Variants in GNAL observed in about 807,000 individuals in gnomAD.
The protein encoded by GNAL is guanine nucleotide-binding protein G(olf) subunit alpha.
GNAL carries 18 observed loss-of-function variants against 55.1 expected under a neutral mutation model. The ratio of observed to expected loss-of-function variants is 0.33; its 90% CI spans 0.23 to 0.48. The LOEUF is 0.48. Ranked by LOEUF, GNAL falls within the 20% of genes least tolerant of loss-of-function variation. The pLI is 0.99. For missense variants in GNAL, 412 were observed against 614.1 expected (o/e 0.67, Z 3.48); for synonymous variants, 253 against 237.0 (o/e 1.07, Z -0.62).
At chr18:11,834,443 G>C (rs1306544055) in intron 5 of GNAL, among the ~76,000 whole-genome samples, 2 of 152,126 alleles carry the variant, frequency 1.3e-5, no homozygotes, top group Non-Finnish European at 2.9e-5. Context: ...CTTCTGGCTG[G>C]GCACAGTGGC....
At chr18:11,737,859 C>T (rs985363402) in intron 1 of GNAL, among the ~76,000 whole-genome samples, 11 of 152,240 alleles carry the variant, frequency 7.2e-5, no homozygotes, top group Admixed American at 2.0e-4. Flanking sequence ...AGCATTCAGC[C>T]TGACATGGGG....
chr18:11,764,607 G>A (rs1055867694), intron 4 of GNAL, among the ~76,000 whole-genome samples: 2 of 152,204 alleles, frequency 1.3e-5, no homozygotes, highest in African/African-American at 4.8e-5. Flanking sequence ...AGGAGTTTGA[G>A]AGACAAGCCT....
chr18:11,702,339 C>T (rs554271543), intron 1 of GNAL: 9 of 152,402 alleles, frequency 5.9e-5, no homozygotes, highest in East Asian at 1.9e-4. Flanking sequence ...ATCCCAGAGC[C>T]GGCCTCCTTC....
intron 4 of GNAL, among the ~76,000 whole-genome samples, chr18:11,767,500 C>T (rs2033447787): frequency 6.6e-6 from 1 of 151,398 alleles, no homozygotes. Context: ...TGCATGCCTG[C>T]ACTGTGTGCA....
intron 4 of GNAL, 118 bp from the exon 5 acceptor site, chr18:11,824,800 C>A: frequency 3.3e-6 from 2 of 604,894 alleles, no homozygotes; most frequent in South Asian, 4.1e-5. Flanking sequence ...CAGACTTCCA[C>A]AAAGAAAATC....
At chr18:11,779,986 A>G (rs1301708466) in intron 4 of GNAL, among the ~76,000 whole-genome samples, 1 of 152,248 alleles carries the variant, frequency 6.6e-6, no homozygotes, top group Non-Finnish European at 1.5e-5. Context: ...GATGTCTGTC[A>G]TCATTTGCTG....
intron 1 of GNAL, among the ~76,000 whole-genome samples, chr18:11,732,892 A>G (rs1395615296): frequency 6.6e-6 from 1 of 152,274 alleles, no homozygotes; most frequent in Non-Finnish European, 1.5e-5. Flanking sequence ...AGAGGGAAAC[A>G]GCAAAAATAG....
rs1019948850 is a variant in GNAL, at chr18:11,848,131, C to T, written c.723-14264C>T. ...GCCCAGCACCAAGGAGACAGCTGGGCATATGGGTTTGGAGCTCAGAAGCAA... is the reference window on the plus strand; with the variant it reads ...GCCCAGCACCAAGGAGACAGCTGGGTATATGGGTTTGGAGCTCAGAAGCAA... On this transcript the variant is annotated intron_variant, in intron 5 of 11. Coordinates refer to ENST00000334049, the MANE Select transcript of GNAL (RefSeq NM_182978.4). Among the ~76,000 whole-genome samples the T allele has an allele frequency of 3.3e-5, 5 of 152,254 alleles. No individual in the cohort carries two copies. In the East Asian group the frequency reaches 9.7e-4, roughly 29 times the overall value.
chr18:11,865,209 C>A (rs571876687), intron 7 of GNAL, among the ~76,000 whole-genome samples: 1 of 134,128 alleles, frequency 7.5e-6, no homozygotes, highest in African/African-American at 2.8e-5. Context: ...CGGCCTGGAT[C>A]GTGCTGTTCC....
At chr18:11,823,152 G>A (rs73944912) in intron 4 of GNAL, among the ~76,000 whole-genome samples, 2,105 of 152,256 alleles carry the variant, frequency 0.014, 47 homozygotes, top group African/African-American at 0.048. Context: ...TTACACGTGT[G>A]TGTGTGTGAC....
chr18:11,693,131 A>G (rs971892952), intron 1 of GNAL, among the ~76,000 whole-genome samples: 2 of 145,570 alleles, frequency 1.4e-5, no homozygotes, highest in African/African-American at 5.5e-5. Flanking sequence ...ATGTGATTAT[A>G]CAGTTGAACA....
chr18:11,744,472 A>G (rs369868099), intron 1 of GNAL, among the ~76,000 whole-genome samples: 2 of 152,200 alleles, frequency 1.3e-5, no homozygotes, highest in East Asian at 3.9e-4. Context: ...GCTGCTAAAA[A>G]TGAATGATCA....
chr18:11,707,094 A>G (rs141907520), intron 1 of GNAL, among the ~76,000 whole-genome samples: 26 of 152,148 alleles, frequency 1.7e-4, no homozygotes, highest in African/African-American at 4.8e-4. Context: ...TGCAGCCTCA[A>G]CCTCCCAGGC....
intron 5 of GNAL, among the ~76,000 whole-genome samples, chr18:11,835,303 A>G (rs1432555318): frequency 1.3e-5 from 2 of 152,038 alleles, no homozygotes; most frequent in African/African-American, 4.8e-5. Context: ...GAATGGATAC[A>G]TGGATAGATC....
intron 1 of GNAL, among the ~76,000 whole-genome samples, chr18:11,710,732 A>T (rs2031817597): frequency 6.6e-6 from 1 of 151,662 alleles, no homozygotes; most frequent in Admixed American, 6.6e-5. Flanking sequence ...CTCCTTTCTG[A>T]CCTGAAAGAT....
chr18:11,796,589 A>AAAC (rs1424082522), intron 4 of GNAL, among the ~76,000 whole-genome samples: 7,807 of 147,012 alleles, frequency 0.053, 417 homozygotes, highest in African/African-American at 0.1. Flanking sequence ...AAAAAAAAAA[A>AAAC]AAAAAACAAA....
At chr18:11,793,581 C>G (rs1285482580) in intron 4 of GNAL, among the ~76,000 whole-genome samples, 1 of 144,370 alleles carries the variant, frequency 6.9e-6, no homozygotes, top group African/African-American at 2.7e-5. Flanking sequence ...GATCCTGTCT[C>G]TAAAAAAATA....
intron 1 of GNAL, among the ~76,000 whole-genome samples, chr18:11,704,204 G>A (rs577202359): frequency 6.0e-4 from 92 of 152,262 alleles, no homozygotes; most frequent in African/African-American, 2.1e-3. Flanking sequence ...CACACAGTGG[G>A]TCACACCCTA....
At chr18:11,703,795 G>GCGCACA (rs1311432181) in intron 1 of GNAL, among the ~76,000 whole-genome samples, 27 of 141,496 alleles carry the variant, frequency 1.9e-4, no homozygotes, top group African/African-American at 6.9e-4. Flanking sequence ...GTGTTGATGG[G>GCGCACA]CACACACACA....
Sources: gnomAD v4.1 joint callset for allele counts (sites outside exome capture counted in the v4.1 genomes callset) on GRCh38, gnomAD v4.1.1 for gene constraint, MANE v1.5 for transcripts, NCBI Gene and HGNC (gene_info 2026-07-23, HGNC 2026-07-21) for gene names.